Variants in COLEC11 observed in about 807,000 individuals in gnomAD.
The protein encoded by COLEC11 is collectin subfamily member 11.
Under a neutral mutation model 27.3 loss-of-function variants are expected in COLEC11, and 20 were observed. The ratio of observed to expected loss-of-function variants is 0.73; its 90% CI spans 0.51 to 1.06. The LOEUF is 1.06. Among genes scored for constraint, COLEC11 ranks in the 50% least tolerant of loss-of-function variants. The pLI is 0.00. For synonymous variants in COLEC11, 163 were observed against 154.7 expected (o/e 1.05, Z -0.40); for missense variants, 310 against 383.0 (o/e 0.81, Z 1.59).
At chr2:3,614,237 A>G (rs116789922) in intron 3 of COLEC11, among the ~76,000 whole-genome samples, 3,616 of 152,170 alleles carry the variant, frequency 0.024, 152 homozygotes, top group African/African-American at 0.081. Flanking sequence ...CCAAGTCATT[A>G]AAGATTGTCT....
intron 1 of COLEC11, among the ~76,000 whole-genome samples, chr2:3,599,618 C>T (rs1028782060): frequency 5.9e-5 from 9 of 152,232 alleles, no homozygotes; most frequent in Admixed American, 1.3e-4. Flanking sequence ...GGCTTGCAAA[C>T]GGCATGTGGT....
intron 2 of COLEC11, among the ~76,000 whole-genome samples, chr2:3,608,030 G>C (rs754028744): frequency 6.6e-6 from 1 of 152,202 alleles, no homozygotes; most frequent in Non-Finnish European, 1.5e-5. Flanking sequence ...AGCAGGTGGC[G>C]TGACAGTCAA....
At chr2:3,606,606 T>A (rs1662721650) in intron 2 of COLEC11, among the ~76,000 whole-genome samples, 1 of 152,190 alleles carries the variant, frequency 6.6e-6, no homozygotes, top group African/African-American at 2.4e-5. Context: ...CTCCTTGCTC[T>A]GGGACAGTGA....
In COLEC11 at chr2:3,614,796, A is replaced by G. The variant is rs150179377; in HGVS notation, c.202+1414A>G. ...GGCAAAGTAAACGAAAAAAAGTTTC[A>G]TACCAAGACAACTGACTTTGAAATT... On this transcript the variant is annotated intron_variant, in intron 3 of 6. Transcript: ENST00000349077. Among the ~76,000 whole-genome samples, 969 of 152,356 alleles carry G rather than the reference A, an allele frequency of 6.4e-3. 6 individuals are homozygous for G. The highest frequency in any genetic ancestry group is 0.022 in the African/African-American group (923 of 41,572).
chr2:3,615,754 G>A (rs1019464305), intron 3 of COLEC11, among the ~76,000 whole-genome samples: 13 of 151,056 alleles, frequency 8.6e-5, no homozygotes, highest in African/African-American at 2.2e-4. Flanking sequence ...CAGGGCGGTG[G>A]CCGGGCAGAG....
intron 2 of COLEC11, among the ~76,000 whole-genome samples, chr2:3,608,992 G>A (rs1473207839): frequency 4.1e-4 from 63 of 152,242 alleles, no homozygotes; most frequent in Non-Finnish European, 2.9e-5. Context: ...GCACAGGAAG[G>A]AAAGCAGTTT....
chr2:3,601,725 C>T (rs1204427562), intron 1 of COLEC11, among the ~76,000 whole-genome samples: 1 of 152,204 alleles, frequency 6.6e-6, no homozygotes, highest in Non-Finnish European at 1.5e-5. Flanking sequence ...TGAAGCTCTC[C>T]CACGCGCGTG....
intron 2 of COLEC11, chr2:3,606,183 C>T (rs1307581648): frequency 6.4e-7 from 1 of 1,550,442 alleles, no homozygotes; most frequent in Non-Finnish European, 8.7e-7. Context: ...GAGGTCACGT[C>T]CCTGCCCAAT....
chr2:3,617,782 C>T (rs1663883247), intron 3 of COLEC11: 1 of 898,704 alleles, frequency 1.1e-6, no homozygotes, highest in Admixed American at 1.9e-5. Flanking sequence ...TTTCAAGGAG[C>T]CTCTGTACTG....
In COLEC11 at chr2:3,643,831, C is replaced by A; in HGVS notation, c.529C>A (p.Leu177Met). ...GTCCTGCCAGGGCCGCGGGGGCACGCTGAGCATGCCCAAGGACGAGGCTGC... is the reference window on the plus strand; with the variant it reads ...GTCCTGCCAGGGCCGCGGGGGCACGATGAGCATGCCCAAGGACGAGGCTGC... ...QLSCQGRGGT[L>M]SMPKDEAANG... Residue 177 changes from leucine (L) to methionine (M), a missense_variant, in exon 7 of 7, where the codon CTG becomes ATG. By Grantham distance (15) the Leu-to-Met change is conservative. Coordinates refer to ENST00000349077, the MANE Select transcript of COLEC11 (RefSeq NM_024027.5). 6.2e-7 allele frequency: 1 copy of A among 1,613,556 alleles called. No individual in the cohort carries two copies. Among genetic ancestry groups the A allele is most frequent in the South Asian group, 1.1e-5 (1 of 91,080 alleles).
chr2:3,639,516 G>A (rs1025369842), intron 4 of COLEC11, among the ~76,000 whole-genome samples: 7 of 152,238 alleles, frequency 4.6e-5, no homozygotes, highest in African/African-American at 1.7e-4. Context: ...CTCCTTATGC[G>A]AATGGAATTG....
chr2:3,621,103 C>G (rs921513961), intron 3 of COLEC11, among the ~76,000 whole-genome samples: 1 of 152,150 alleles, frequency 6.6e-6, no homozygotes, highest in African/African-American at 2.4e-5. Flanking sequence ...GGTGATCTTT[C>G]CATTGTTGAA....
chr2:3,616,909 T>C (rs1025503518), intron 3 of COLEC11, among the ~76,000 whole-genome samples: 9 of 152,212 alleles, frequency 5.9e-5, no homozygotes, highest in Non-Finnish European at 1.2e-4. Flanking sequence ...GATTTTCTTA[T>C]ATTTCAAGAC....
intron 4 of COLEC11, 54 bp from the exon 5 acceptor site, chr2:3,640,224 C>T: frequency 9.5e-7 from 1 of 1,047,156 alleles, no homozygotes; most frequent in Non-Finnish European, 1.5e-6. Context: ...GTTTTTAACA[C>T]ATAGAACATG....
Position 3,613,397 on chromosome 2 carries a change from G to A in COLEC11, c.202+15G>A. 6.3e-7 allele frequency: 1 copy of A among 1,578,250 alleles called. No homozygotes were observed. Among genetic ancestry groups the A allele is most frequent in the Non-Finnish European group, 8.6e-7 (1 of 1,161,460 alleles). Reference sequence around the variant, plus strand: ...GGGAGAAAAAGGTACCTGCAGCCCTGGGCCGGCCCTCAGAGCTCTGAGGAT... The same window carrying A: ...GGGAGAAAAAGGTACCTGCAGCCCTAGGCCGGCCCTCAGAGCTCTGAGGAT... On this transcript the variant is annotated intron_variant, in intron 3 of 6. Transcript: ENST00000349077.
intron 3 of COLEC11, among the ~76,000 whole-genome samples, chr2:3,614,815 T>C (rs1663526980): frequency 6.6e-6 from 1 of 152,216 alleles, no homozygotes; most frequent in African/African-American, 2.4e-5. Context: ...CAACTGACTT[T>C]GAAATTTCAG....
At chr2:3,614,722 A>T (rs1306899264) in intron 3 of COLEC11, among the ~76,000 whole-genome samples, 4 of 152,236 alleles carry the variant, frequency 2.6e-5, no homozygotes, top group Non-Finnish European at 2.9e-5. Context: ...AAAATTTCTT[A>T]TAATGAAAGG....
At chr2:3,633,007 C>T (rs935376467) in intron 3 of COLEC11, among the ~76,000 whole-genome samples, 2 of 152,192 alleles carry the variant, frequency 1.3e-5, no homozygotes, top group Admixed American at 1.3e-4. Flanking sequence ...ATGGGGAGGG[C>T]GCGAGGGGCT....
chr2:3,596,765 A>G (rs894066293), intron 1 of COLEC11, among the ~76,000 whole-genome samples: 1 of 151,882 alleles, frequency 6.6e-6, no homozygotes, highest in East Asian at 1.9e-4. Context: ...CCTGGCTGGG[A>G]GATAAGGATG....
Sources: gnomAD v4.1 joint callset for allele counts (sites outside exome capture counted in the v4.1 genomes callset) on GRCh38, gnomAD v4.1.1 for gene constraint, MANE v1.5 for transcripts, NCBI Gene and HGNC (gene_info 2026-07-23, HGNC 2026-07-21) for gene names.